ZZEF1: variants seen among roughly 807,000 people sequenced by gnomAD.
The protein encoded by ZZEF1 is zinc finger ZZ-type and EF-hand domain-containing protein 1.
Under a neutral mutation model 342.8 loss-of-function variants are expected in ZZEF1, and 157 were observed. That is an observed-to-expected ratio of 0.46 (90% CI 0.40 to 0.52). ZZEF1 has a LOEUF of 0.52. ZZEF1 is among the 20% of genes least tolerant of loss of function. The pLI, the probability that ZZEF1 is intolerant of heterozygous loss-of-function variation, is 0.00. For synonymous variants in ZZEF1, 1,505 were observed against 1,429.1 expected, an observed-to-expected ratio of 1.05 and a Z score of -1.20; for missense variants, 3,480 against 3,725.6, an observed-to-expected ratio of 0.93 and a Z score of 1.72.
At chr17:4,076,379 C>T (rs926119509) in intron 21 of ZZEF1, 31 of 238,276 alleles carry the variant, frequency 1.3e-4, no homozygotes, top group Non-Finnish European at 1.9e-4. Flanking sequence ...GTGATCCGCC[C>T]GCCTCGGCCT....
Position 4,014,391 on chromosome 17 carries a change from CTG to C in ZZEF1, c.8268_8269del (p.His2756GlnfsTer13). 6.2e-7 allele frequency: 1 copy of C among 1,614,234 alleles called. No homozygotes were observed. ...CCACTTCTGCTGAGACCCGCTGAAG[CTG>C]TGTCGGTCTTGCTGGAAGTCACTGC... On this transcript the variant is annotated frameshift_variant, in exon 50 of 55. Coordinates refer to ENST00000381638, the MANE Select transcript of ZZEF1 (RefSeq NM_015113.4). LOFTEE classifies it high-confidence loss of function. The surrounding 1 kb of genome is among the most constrained non-coding windows in gnomAD (Gnocchi z 4.4).
intron 36 of ZZEF1, 63 bp downstream of exon 36, chr17:4,050,718 G>A (rs116739236): frequency 6.2e-7 from 1 of 1,603,466 alleles, no homozygotes; most frequent in African/African-American, 1.3e-5. Context: ...TTTTACATTT[G>A]CCAAGGCTTT....
At chr17:4,018,273 AATTT>A (rs147734347) in intron 46 of ZZEF1, among the ~76,000 whole-genome samples, 422 of 152,204 alleles carry the variant, frequency 2.8e-3, no homozygotes, top group African/African-American at 9.5e-3. Flanking sequence ...TTTTAAAAAA[AATTT>A]ATTTGTTTTT....
chr17:4,135,518 T>A (rs1224805171), intron 1 of ZZEF1, among the ~76,000 whole-genome samples: 1 of 152,038 alleles, frequency 6.6e-6, no homozygotes, highest in African/African-American at 2.4e-5. Context: ...CATTCTCCAG[T>A]GTCTCTGAGA....
intron 8 of ZZEF1, among the ~76,000 whole-genome samples, chr17:4,103,361 G>C (rs909877191): frequency 1.3e-5 from 2 of 151,210 alleles, no homozygotes; most frequent in Admixed American, 6.6e-5. Context: ...TGGTCAACAT[G>C]GGGAGAGCTC....
At chr17:4,056,734 A>G (rs2057169186) in intron 32 of ZZEF1, 1 of 152,168 alleles carries the variant, frequency 6.6e-6, no homozygotes, top group African/African-American at 2.4e-5. Context: ...TGGTGGAATC[A>G]GTACGAGAAG....
chr17:4,095,136 C>T (rs1416222289), intron 11 of ZZEF1, among the ~76,000 whole-genome samples: 2 of 152,166 alleles, frequency 1.3e-5, no homozygotes, highest in African/African-American at 2.4e-5. Flanking sequence ...GGGACCTGCC[C>T]GTTCCTTCAA....
chr17:4,107,410 C>T (rs538543199), intron 6 of ZZEF1, among the ~76,000 whole-genome samples: 1 of 152,088 alleles, frequency 6.6e-6, no homozygotes, highest in South Asian at 2.1e-4. Context: ...AAGGGGGAGT[C>T]GTCATGGTGG....
At position 4,032,230 on chromosome 17, in the gene ZZEF1, T is replaced by A; in HGVS notation, c.6788A>T (p.Tyr2263Phe). 6.2e-7 allele frequency: 1 copy of A among 1,613,776 alleles called. No individual in the cohort carries two copies. ...QVLCVGTRCV[Y>F]MDNANEPHNV... Reference sequence around the variant, plus strand: ...ATGGGGTTCATTGGCATTATCCATATAAACGCAGCGGGTTCCCACACAGAG... The same window carrying A: ...ATGGGGTTCATTGGCATTATCCATAAAAACGCAGCGGGTTCCCACACAGAG... Residue 2263 changes from tyrosine (Y) to phenylalanine (F), a missense_variant, in exon 42 of 55, where the codon TAT (tyrosine) becomes TTT (phenylalanine). Around this residue, in one of 5 missense-constraint regions of ZZEF1, gnomAD observed 1,269 missense variants for 1,342.4 expected, o/e 0.95. Transcript: ENST00000381638.
chr17:4,055,053 C>G (rs188763671), intron 33 of ZZEF1, among the ~76,000 whole-genome samples: 1 of 152,296 alleles, frequency 6.6e-6, no homozygotes, highest in East Asian at 1.9e-4. Context: ...AGTACTGTCC[C>G]TGGCACTTAC....
Position 4,034,268 on chromosome 17 carries a change from G to A in ZZEF1, c.6331C>T (p.Leu2111=), listed in dbSNP as rs2056613163. Reference sequence around the variant, plus strand: ...AACATGAGTGGAAGGACGTGCTCCAGGTCTATCAGGGGAACCGTGGGGCCC... The same window carrying A: ...AACATGAGTGGAAGGACGTGCTCCAAGTCTATCAGGGGAACCGTGGGGCCC... ...KSGPTVPLID[L]EHVLPLMFQV... The change falls in exon 40 of 55, where the codon CTG becomes TTG. Residue 2111 remains leucine, a synonymous_variant. Transcript: ENST00000381638. 1.2e-6 allele frequency: 2 copies of A among 1,614,210 alleles called. No homozygotes were observed. The highest frequency in any genetic ancestry group is 1.7e-6 in the Non-Finnish European group (2 of 1,180,028).
chr17:4,053,968 T>C, intron 34 of ZZEF1, 89 bp downstream of exon 34: 2 of 1,438,394 alleles, frequency 1.4e-6, no homozygotes, highest in Non-Finnish European at 1.9e-6. Context: ...TTTGATTTAG[T>C]ACACTGAGAG....
At chr17:4,126,225 CAAAAAAAAAA>C (rs34213678) in intron 1 of ZZEF1, among the ~76,000 whole-genome samples, 1 of 94,148 alleles carries the variant, frequency 1.1e-5, no homozygotes, top group East Asian at 3.3e-4. Flanking sequence ...GACTCCGTCT[CAAAAAAAAAA>C]AAAAAAAAAA....
chr17:4,096,724 T>A (rs1240355076), intron 9 of ZZEF1, 24 bp from the exon 10 acceptor site: 1 of 1,600,150 alleles, frequency 6.2e-7, no homozygotes, highest in South Asian at 1.1e-5. Flanking sequence ...AAACTCAAGT[T>A]AGGGAACTAA....
In ZZEF1 at chr17:4,077,472, G is replaced by A. The variant is rs116482144; in HGVS notation, c.2989+411C>T. On this transcript the variant is annotated intron_variant, in intron 19 of 54. Transcript: ENST00000381638. Reference sequence around the variant, plus strand: ...AATTTTCTGTGAGTTTACAGAACATGAATCTAATTATTCTCGGTAATCAGC... The same window carrying A: ...AATTTTCTGTGAGTTTACAGAACATAAATCTAATTATTCTCGGTAATCAGC... 5.1e-3 allele frequency among the ~76,000 whole-genome samples: 783 copies of A among 152,274 alleles called. 7 individuals carry two copies. The highest frequency in any genetic ancestry group is 0.018 in the African/African-American group (742 of 41,544).
chr17:4,066,376 G>A, intron 28 of ZZEF1, 71 bp downstream of exon 28: 1 of 1,313,024 alleles, frequency 7.6e-7, no homozygotes. Flanking sequence ...TAGAAGGTGA[G>A]TAATTGGTTT....
At chr17:4,057,873 C>G in intron 32 of ZZEF1, 121 bp downstream of exon 32, 3 of 1,061,614 alleles carry the variant, frequency 2.8e-6, no homozygotes, top group Non-Finnish European at 4.0e-6. Context: ...TAGGATGTGG[C>G]AAAGCCAAGA....
At chr17:4,007,633 T>C (rs577621192) in intron 54 of ZZEF1, among the ~76,000 whole-genome samples, 9 of 152,232 alleles carry the variant, frequency 5.9e-5, no homozygotes, top group African/African-American at 2.2e-4. Context: ...AAAATTTCGT[T>C]ACATGATGTG....
chr17:4,088,891 A>G lies in ZZEF1; in HGVS notation c.2028T>C (p.Tyr676=). 6.2e-7 allele frequency: 1 copy of G among 1,613,992 alleles called. No homozygotes were observed. The change falls in exon 13 of 55, where the codon TAT becomes TAC. Residue 676 remains tyrosine, a splice_region_variant and synonymous_variant. Transcript: ENST00000381638. ...GGGTGCAGAGGAACTTCACCATCAA[A>G]TACTGGACAGGACAAGAGAGATTTC... The part of the protein sequence containing the change: ...VKLQQCRVAK[Y]LMVKFLCTRQ...
Sources: allele counts gnomAD v4.1 joint callset (sites outside exome capture counted in the v4.1 genomes callset), GRCh38; gene constraint gnomAD v4.1.1; regional missense constraint gnomAD v4.1.1; non-coding constraint Gnocchi (gnomAD v3.1); transcripts MANE v1.5; gene names NCBI Gene and HGNC (gene_info 2026-07-23, HGNC 2026-07-21).